DST: variants seen among roughly 807,000 people sequenced by gnomAD.
DST encodes bullous pemphigoid antigen.
Under a neutral mutation model 875.2 loss-of-function variants are expected in DST, and 253 were observed. That is an observed-to-expected ratio of 0.29 (90% CI 0.26 to 0.32). DST has a LOEUF of 0.32. Among genes scored for constraint, DST ranks in the 10% least tolerant of loss-of-function variants. The pLI is 1.00. For synonymous variants in DST, 3,124 were observed against 3,197.1 expected, an observed-to-expected ratio of 0.98 and a Z score of 0.77; for missense variants, 8,287 against 9,111.6, an observed-to-expected ratio of 0.91 and a Z score of 3.68.
chr6:56,675,389 G>C (rs533641979), intron 9 of DST, among the ~76,000 whole-genome samples: 1 of 152,190 alleles, frequency 6.6e-6, no homozygotes, highest in East Asian at 1.9e-4. Context: ...AGTAAGAAAA[G>C]CAAAGACAGA....
chr6:56,641,868 T>A, intron 17 of DST, 79 bp downstream of exon 17: 1 of 1,101,894 alleles, frequency 9.1e-7, no homozygotes, highest in Non-Finnish European at 1.3e-6. Flanking sequence ...AAAATTTTCA[T>A]ACTCTACATT....
At chr6:56,582,150 A>C (rs2098015501) in intron 49 of DST, among the ~76,000 whole-genome samples, 1 of 152,166 alleles carries the variant, frequency 6.6e-6, no homozygotes, top group Non-Finnish European at 1.5e-5. Context: ...TCTCTAATAT[A>C]GCTCCTAATG....
chr6:56,515,498 G>C lies in DST; in HGVS notation c.18528C>G (p.Ala6176=). ...TTAGAGTTTCATATTCAAGGGCTGG[G>C]GCGGGAAGCTGAGAGATGATTGATT... ...ETQSIISQLP[A]PALEYETLRQ... The change falls in exon 72 of 104, where the codon GCC becomes GCG. Residue 6176 remains alanine (A), a synonymous_variant. Coordinates refer to ENST00000680361, the MANE Select transcript of DST (RefSeq NM_001374736.1). 6.2e-7 allele frequency: 1 copy of C among 1,613,896 alleles called. No individual in the cohort carries two copies. The highest frequency in any genetic ancestry group is 8.5e-7 in the Non-Finnish European group (1 of 1,179,848).
chr6:56,709,422 A>C (rs1462608144), intron 5 of DST, among the ~76,000 whole-genome samples: 1 of 152,224 alleles, frequency 6.6e-6, no homozygotes, highest in Non-Finnish European at 1.5e-5. Context: ...TTGTTAACCT[A>C]TAACTGTTTG....
chr6:56,782,512 G>C (rs1590217699), intron 4 of DST, among the ~76,000 whole-genome samples: 1 of 152,350 alleles, frequency 6.6e-6, no homozygotes, highest in East Asian at 1.9e-4. Context: ...TATTTGCATA[G>C]AGGTGTTTGT....
intron 5 of DST, among the ~76,000 whole-genome samples, chr6:56,718,106 T>A (rs1315925194): frequency 6.6e-6 from 1 of 151,806 alleles, no homozygotes; most frequent in Non-Finnish European, 1.5e-5. Flanking sequence ...TAAATAGGTG[T>A]GATGGTATGT....
At chr6:56,834,831 A>G (rs1479647582) in intron 4 of DST, among the ~76,000 whole-genome samples, 6 of 152,186 alleles carry the variant, frequency 3.9e-5, no homozygotes, top group Non-Finnish European at 7.3e-5. Context: ...CGTACCATAC[A>G]ATCTAGCAAT....
At chr6:56,560,027 A>G (rs576578075) in intron 58 of DST, among the ~76,000 whole-genome samples, 10 of 152,164 alleles carry the variant, frequency 6.6e-5, no homozygotes, top group African/African-American at 2.4e-4. Flanking sequence ...GAAAACAGGT[A>G]CTCCATGCAC....
intron 4 of DST, among the ~76,000 whole-genome samples, chr6:56,812,111 A>AAAGAAAAGAAAAGAAAAGAT (rs2099760954): frequency 9.9e-6 from 1 of 100,878 alleles, no homozygotes; most frequent in Non-Finnish European, 2.3e-5. Context: ...CAAAAAAAAA[A>AAAGAAAAGAAAAGAAAAGAT]AAGAAAAGAA....
chr6:56,516,264 A>G (rs2096592259), intron 71 of DST, among the ~76,000 whole-genome samples: 2 of 152,150 alleles, frequency 1.3e-5, no homozygotes, highest in South Asian at 4.1e-4. Flanking sequence ...TTAATGGGGT[A>G]GTCACAGTGA....
chr6:56,899,562 C>T (rs529731011), intron 3 of DST, among the ~76,000 whole-genome samples: 1 of 152,142 alleles, frequency 6.6e-6, no homozygotes. Context: ...TTGATGGCTC[C>T]CCTATGTTGG....
chr6:56,497,028 G>T (rs989080343), intron 82 of DST, among the ~76,000 whole-genome samples: 3 of 152,004 alleles, frequency 2.0e-5, no homozygotes, highest in Admixed American at 2.0e-4. Context: ...GTCAGGGGAG[G>T]GGGGACAGAT....
Position 56,650,076 on chromosome 6 carries a change from G to A in DST, c.1434+850C>T, listed in dbSNP as rs564020329. Among the ~76,000 whole-genome samples, 22 of 152,196 alleles carry A rather than the reference G, an allele frequency of 1.4e-4. 1 individual carries two copies. Among genetic ancestry groups the A allele is most frequent in the Admixed American group, 1.4e-3 (22 of 15,292 alleles). On this transcript the variant is annotated intron_variant, in intron 12 of 103. Transcript: ENST00000680361. ...GAAGCCTTTGAAAAGAAGAACCTGA[G>A]GAAGAATATGGAAACAGGTCTAGAA...
intron 3 of DST, among the ~76,000 whole-genome samples, chr6:56,877,786 T>C (rs566708798): frequency 2.6e-5 from 4 of 152,204 alleles, no homozygotes; most frequent in African/African-American, 9.7e-5. Context: ...ACTCAAAATA[T>C]GCCCATGGAC....
chr6:56,832,526 A>G (rs1379809330), intron 4 of DST, among the ~76,000 whole-genome samples: 1 of 151,744 alleles, frequency 6.6e-6, no homozygotes, highest in African/African-American at 2.4e-5. Context: ...TGTAAGTCCA[A>G]CCTCTTTATT....
intron 2 of DST, among the ~76,000 whole-genome samples, chr6:56,912,843 T>C (rs1799358065): frequency 6.6e-6 from 1 of 152,198 alleles, no homozygotes. Context: ...TTTCATTAAC[T>C]AGAACCCAGT....
At position 56,605,455 on chromosome 6, in the gene DST, C is replaced by T. The variant is rs1563126852; in HGVS notation, c.9173G>A (p.Gly3058Glu). ...TACTAGACCTTCTACAAGCACTTCT[C>T]CTTCACCCAAGTACATTTTCTGAAT... is the stretch of plus-strand genomic sequence containing the variant. ...TSIQKMYLGEGEVLVEGLVEE... is the reference protein window; with the variant it reads ...TSIQKMYLGEEEVLVEGLVEE... Residue 3058 changes from glycine (G) to glutamate (E), a missense_variant, in exon 40 of 104, where the codon GGA becomes GAA. Transcript: ENST00000680361. 3 of 1,612,934 alleles carry T rather than the reference C, an allele frequency of 1.9e-6. No individual in the cohort carries two copies. Among genetic ancestry groups the T allele is most frequent in the African/African-American group, 2.7e-5 (2 of 74,990 alleles).
chr6:56,887,875 A>T (rs1785358682), intron 3 of DST, among the ~76,000 whole-genome samples: 1 of 152,088 alleles, frequency 6.6e-6, no homozygotes, highest in South Asian at 2.1e-4. Flanking sequence ...CCTACCTTGC[A>T]CATTCTTGTG....
chr6:56,667,376 T>A (rs1588140715), intron 10 of DST, among the ~76,000 whole-genome samples: 2 of 152,224 alleles, frequency 1.3e-5, no homozygotes, highest in Admixed American at 1.3e-4. Flanking sequence ...AATTTTTTCA[T>A]ATGCTGGAAG....
Sources: gnomAD v4.1 joint callset for allele counts (sites outside exome capture counted in the v4.1 genomes callset) on GRCh38, gnomAD v4.1.1 for gene constraint, MANE v1.5 for transcripts, NCBI Gene and HGNC (gene_info 2026-07-23, HGNC 2026-07-21) for gene names.